AKT3: variants seen among roughly 807,000 people sequenced by gnomAD.
AKT3 encodes AKT serine/threonine kinase 3.
Under a neutral mutation model 65.3 loss-of-function variants are expected in AKT3, and 15 were observed. The observed-to-expected ratio is 0.23, with a 90% CI of 0.15 to 0.35. The LOEUF is 0.35. AKT3 is among the 10% of genes least tolerant of loss of function. The pLI is 1.00. For synonymous variants in AKT3, 206 were observed against 183.8 expected (o/e 1.12, Z -0.98); for missense variants, 243 against 576.5 (o/e 0.42, Z 5.92).
At chr1:243,813,862 T>C (rs557982747) in intron 2 of AKT3, among the ~76,000 whole-genome samples, 3 of 152,286 alleles carry the variant, frequency 2.0e-5, no homozygotes, top group Non-Finnish European at 2.9e-5. Context: ...CCCAGCATTT[T>C]TGGAGGCCAA....
intron 4 of AKT3, among the ~76,000 whole-genome samples, chr1:243,650,521 A>G (rs1681225978): frequency 1.3e-5 from 2 of 152,232 alleles, no homozygotes; most frequent in Non-Finnish European, 2.9e-5. Context: ...GTTTTCTTCT[A>G]GGGTTTTTAT....
chr1:243,536,657 T>C (rs1336895462), intron 12 of AKT3, among the ~76,000 whole-genome samples: 6 of 152,202 alleles, frequency 3.9e-5, no homozygotes, highest in Non-Finnish European at 5.9e-5. Flanking sequence ...CTAGTTATAT[T>C]TCCTAACCCA....
intron 6 of AKT3, among the ~76,000 whole-genome samples, chr1:243,626,776 T>C (rs1469556306): frequency 1.3e-5 from 2 of 152,158 alleles, no homozygotes; most frequent in Non-Finnish European, 2.9e-5. Context: ...AAATTAAAAT[T>C]TGGATGAAAA....
intron 2 of AKT3, among the ~76,000 whole-genome samples, chr1:243,706,476 T>C (rs1020465272): frequency 6.6e-6 from 1 of 152,174 alleles, no homozygotes; most frequent in Non-Finnish European, 1.5e-5. Context: ...CTAACATCAA[T>C]GCTCTACAGA....
At chr1:243,519,516 G>A (rs1418973068) in intron 12 of AKT3, among the ~76,000 whole-genome samples, 1 of 152,146 alleles carries the variant, frequency 6.6e-6, no homozygotes, top group Non-Finnish European at 1.5e-5. Context: ...TTTTTTGGGT[G>A]CTCAAGGCAT....
At chr1:243,830,890 T>A (rs1328737247) in intron 2 of AKT3, among the ~76,000 whole-genome samples, 1 of 152,224 alleles carries the variant, frequency 6.6e-6, no homozygotes, top group Non-Finnish European at 1.5e-5. Flanking sequence ...TTGTCAGGAA[T>A]AACCATTCAG....
intron 8 of AKT3, among the ~76,000 whole-genome samples, chr1:243,595,038 T>C (rs1172076206): frequency 6.6e-6 from 1 of 152,156 alleles, no homozygotes; most frequent in Non-Finnish European, 1.5e-5. Flanking sequence ...TAGAAGAAAA[T>C]ACAGTCATGC....
rs963569199 is a variant in AKT3 at position 243,502,159 on chromosome 1, A to G, written c.*3090T>C. The G allele has an allele frequency of 5.2e-5, 12 of 231,844 alleles. No individual in the cohort carries two copies. Among genetic ancestry groups the G allele is most frequent in the Middle Eastern group, 1.3e-3 (1 of 780 alleles). The allele number at this position is 231,844 out of a possible 1,614,324, so 14.4% of individuals were successfully genotyped here. On this transcript the variant is annotated 3_prime_UTR_variant, in exon 14 of 14. Transcript: ENST00000673466. ...TCATGCTTGCCTGTAATGCACTACCAGGAGCAAGATAAGGAAATTCTACTG... is the reference window on the plus strand; with the variant it reads ...TCATGCTTGCCTGTAATGCACTACCGGGAGCAAGATAAGGAAATTCTACTG...
At chr1:243,511,338 A>G (rs1670000747) in intron 13 of AKT3, among the ~76,000 whole-genome samples, 1 of 152,188 alleles carries the variant, frequency 6.6e-6, no homozygotes, top group Non-Finnish European at 1.5e-5. Flanking sequence ...CCCAAGATTA[A>G]GACCTCTTGG....
At chr1:243,806,767 A>C (rs1692753751) in intron 2 of AKT3, among the ~76,000 whole-genome samples, 1 of 152,160 alleles carries the variant, frequency 6.6e-6, no homozygotes, top group Non-Finnish European at 1.5e-5. Flanking sequence ...TTTCAAAATT[A>C]CTCATTAAGG....
At chr1:243,709,837 G>C (rs1686035622) in intron 2 of AKT3, among the ~76,000 whole-genome samples, 1 of 152,044 alleles carries the variant, frequency 6.6e-6, no homozygotes, top group South Asian at 2.1e-4. Flanking sequence ...TATGAACTTT[G>C]ATGCTGTGTT....
intron 2 of AKT3, among the ~76,000 whole-genome samples, chr1:243,790,737 G>A (rs1446543308): frequency 6.6e-6 from 1 of 152,178 alleles, no homozygotes; most frequent in Non-Finnish European, 1.5e-5. Context: ...AGAGAGACGT[G>A]TGATTGTTCC....
chr1:243,574,494 C>G (rs1674797218), intron 8 of AKT3, among the ~76,000 whole-genome samples: 1 of 151,814 alleles, frequency 6.6e-6, no homozygotes, highest in Non-Finnish European at 1.5e-5. Flanking sequence ...TATAAAACAC[C>G]AAGGTAAAAA....
At chr1:243,546,217 T>C (rs563953945) in intron 11 of AKT3, among the ~76,000 whole-genome samples, 5 of 152,212 alleles carry the variant, frequency 3.3e-5, no homozygotes, top group Non-Finnish European at 7.3e-5. Context: ...TCTGCCATGA[T>C]TGTGAGGCCT....
At chr1:243,782,058 G>A (rs1281538425) in intron 2 of AKT3, among the ~76,000 whole-genome samples, 1 of 152,184 alleles carries the variant, frequency 6.6e-6, no homozygotes, top group African/African-American at 2.4e-5. Flanking sequence ...CCTGGGCTAA[G>A]TGATCTGCCC....
chr1:243,821,536 C>A (rs189983575), intron 2 of AKT3, among the ~76,000 whole-genome samples: 89 of 152,186 alleles, frequency 5.8e-4, no homozygotes, highest in Non-Finnish European at 1.0e-3. Context: ...ATTCAAGAGA[C>A]CCATCTCATG....
At chr1:243,518,073 C>A (rs1421006215) in intron 12 of AKT3, among the ~76,000 whole-genome samples, 2 of 152,192 alleles carry the variant, frequency 1.3e-5, no homozygotes, top group African/African-American at 2.4e-5. Flanking sequence ...CGAATAAGAA[C>A]TGGAGCGGCA....
Position 243,832,331 on chromosome 1 carries a change from CCTACTT to C in AKT3, c.46+10788_46+10793del, listed in dbSNP as rs1048592815. ...CTGATAAATTTTTATAAACTGTACT[CCTACTT>C]CTCACAAACTTCTTCTCCTCATAAT... On this transcript the variant is annotated intron_variant, in intron 2 of 13. Transcript: ENST00000673466. 1.9e-4 allele frequency among the ~76,000 whole-genome samples: 29 copies of C among 151,974 alleles called. 2 individuals carry two copies. Among genetic ancestry groups the C allele is most frequent in the African/African-American group, 7.0e-4 (29 of 41,490 alleles).
chr1:243,666,352 C>T (rs1414661203), intron 3 of AKT3, among the ~76,000 whole-genome samples: 1 of 152,118 alleles, frequency 6.6e-6, no homozygotes, highest in Non-Finnish European at 1.5e-5. Flanking sequence ...ATCATTCACC[C>T]AAGGGTCTCT....
Sources: allele counts gnomAD v4.1 joint callset (sites outside exome capture counted in the v4.1 genomes callset), GRCh38; gene constraint gnomAD v4.1.1; transcripts MANE v1.5; gene names NCBI Gene and HGNC (gene_info 2026-07-23, HGNC 2026-07-21).